CUX1: variants seen among roughly 807,000 people sequenced by gnomAD.
CUX1 encodes the protein protein CASP.
A neutral mutation model predicts 158.8 loss-of-function variants in CUX1; 31 were observed. The observed-to-expected ratio is 0.20, with a 90% CI of 0.15 to 0.26. The LOEUF is 0.26. Ranked by LOEUF, CUX1 falls within the 10% of genes least tolerant of loss-of-function variation. The probability of loss-of-function intolerance (pLI) is 1.00; values close to 1 mark genes in which losing one functional copy is unlikely to be tolerated. For synonymous variants in CUX1, 879 were observed against 862.1 expected (o/e 1.02, Z -0.34); for missense variants, 1,589 against 2,014.6 (o/e 0.79, Z 4.04).
intron 20 of CUX1, among the ~76,000 whole-genome samples, chr7:102,206,307 G>A (rs1338413662): frequency 6.6e-6 from 1 of 152,156 alleles, no homozygotes; most frequent in Non-Finnish European, 1.5e-5. Context: ...GGTCTTCTTG[G>A]CTGGACATCT....
chr7:102,190,495 C>T (rs1554516699), intron 12 of CUX1, among the ~76,000 whole-genome samples: 2 of 152,184 alleles, frequency 1.3e-5, no homozygotes, highest in African/African-American at 4.8e-5. Context: ...CCATAATGCT[C>T]CAGGCTCACT....
At chr7:101,840,460 C>G (rs1040505342) in intron 1 of CUX1, among the ~76,000 whole-genome samples, 1 of 152,180 alleles carries the variant, frequency 6.6e-6, no homozygotes. Context: ...TATCCTCTTG[C>G]AAATACTTTT....
intron 11 of CUX1, among the ~76,000 whole-genome samples, chr7:102,180,577 C>T (rs537650980): frequency 2.6e-5 from 4 of 151,386 alleles, no homozygotes; most frequent in Non-Finnish European, 5.9e-5. Context: ...TCTCCCACCT[C>T]GGCTCCCAAA....
intron 15 of CUX1, among the ~76,000 whole-genome samples, chr7:102,198,587 T>C (rs189702893): frequency 2.0e-5 from 3 of 152,148 alleles, no homozygotes; most frequent in African/African-American, 7.2e-5. Flanking sequence ...TACTTAGATT[T>C]CCCCCATCTC....
At chr7:102,262,525 G>A (rs1455482732), downstream of CUX1, among the ~76,000 whole-genome samples, 1 of 152,228 alleles carries the variant, frequency 6.6e-6, no homozygotes, top group Non-Finnish European at 1.5e-5. Context: ...ATCCAAGTGA[G>A]GCCTATGCAG....
chr7:102,265,466 C>G (rs782036764), intron 14 of CUX1, among the ~76,000 whole-genome samples: 3 of 151,970 alleles, frequency 2.0e-5, no homozygotes, highest in Non-Finnish European at 4.4e-5. Context: ...GAGACAGGGT[C>G]TCACTCTGTT....
At chr7:101,877,291 A>G (rs1341767401) in intron 1 of CUX1, among the ~76,000 whole-genome samples, 2 of 152,226 alleles carry the variant, frequency 1.3e-5, no homozygotes, top group Non-Finnish European at 2.9e-5. Flanking sequence ...ATCCTTCCAG[A>G]GTTTCATTAT....
intron 2 of CUX1, among the ~76,000 whole-genome samples, chr7:101,971,817 T>C (rs1811991524): frequency 6.6e-6 from 1 of 152,208 alleles, no homozygotes; most frequent in Admixed American, 6.6e-5. Context: ...GCAGGTATCT[T>C]ACAGCTTAAT....
chr7:102,157,795 C>G (rs1397093601), intron 8 of CUX1, among the ~76,000 whole-genome samples: 8 of 152,138 alleles, frequency 5.3e-5, no homozygotes, highest in African/African-American at 1.7e-4. Context: ...AACATACAAA[C>G]ATAAAAGCAC....
intron 8 of CUX1, among the ~76,000 whole-genome samples, chr7:102,132,328 C>CACGCACACACGCGCGCACG (rs1379227055): frequency 2.9e-3 from 4 of 1,362 alleles, no homozygotes; most frequent in Non-Finnish European, 0.012. Context: ...CGCGCGCACG[C>CACGCACACACGCGCGCACG]CACGCACACA....
At position 102,092,181 on chromosome 7, in the gene CUX1, G is replaced by A. The variant is rs556571555; in HGVS notation, c.269-5183G>A. 3.9e-5 allele frequency among the ~76,000 whole-genome samples: 6 copies of A among 152,168 alleles called. No homozygotes were observed. In the East Asian group the frequency reaches 1.2e-3, roughly 29 times the overall value. ...TATATCTTCTTTTTCTCTCCTCCTT[G>A]CACTCCTATTTTTCTTAAAATCCTT... is the stretch of plus-strand genomic sequence containing the variant. On this transcript the variant is annotated intron_variant, in intron 4 of 23. Coordinates refer to ENST00000292535, the MANE Select transcript of CUX1 (RefSeq NM_181552.4).
chr7:102,192,723 C>T (rs1406888824), intron 12 of CUX1, among the ~76,000 whole-genome samples: 15 of 152,136 alleles, frequency 9.9e-5, no homozygotes, highest in Non-Finnish European at 1.9e-4. Context: ...GGCGAAGGTC[C>T]GGTTGACTCT....
In CUX1 at chr7:102,148,711, A is replaced by T. The variant is rs187012090; in HGVS notation, c.675-9849A>T. ...ATGTGTTATATATATATAATATATT[A>T]ATATATATATATTATATATTACTCA... On this transcript the variant is annotated intron_variant, in intron 8 of 23. Transcript: ENST00000292535. Among the ~76,000 whole-genome samples, 61 of 148,016 alleles carry T rather than the reference A, an allele frequency of 4.1e-4. 1 individual carries two copies. In the East Asian group the frequency reaches 0.012, roughly 28 times the overall value.
chr7:102,121,196 C>A (rs891436115), intron 8 of CUX1, among the ~76,000 whole-genome samples: 1 of 152,046 alleles, frequency 6.6e-6, no homozygotes, highest in East Asian at 1.9e-4. Context: ...GAGATAGGGT[C>A]TCTGTTAGTT....
intron 23 of CUX1, among the ~76,000 whole-genome samples, chr7:102,244,694 CA>C (rs113468493): frequency 0.013 from 2,009 of 149,578 alleles, 36 homozygotes; most frequent in Non-Finnish European, 0.02. Flanking sequence ...TGTCCCCCAG[CA>C]AAAAAAAACA....
intron 1 of CUX1, among the ~76,000 whole-genome samples, chr7:101,843,435 G>A (rs2131180335): frequency 6.6e-6 from 1 of 152,238 alleles, no homozygotes; most frequent in East Asian, 1.9e-4. Flanking sequence ...AGCTTTTCTT[G>A]TAATGCTTTG....
Position 102,231,265 on chromosome 7 carries a change from C to A in CUX1, c.3434-2787C>A, listed in dbSNP as rs536760735. Among the ~76,000 whole-genome samples, 630 of 152,018 alleles carry A rather than the reference C, an allele frequency of 4.1e-3. 4 individuals are homozygous for A. Among genetic ancestry groups the A allele is most frequent in the South Asian group, 8.3e-3 (40 of 4,808 alleles). ...CAGGATGGTCTCAATCTCCTGACCT[C>A]GTGATCTGCCCGCCTCAACCTCCCA... On this transcript the variant is annotated intron_variant, in intron 21 of 23. Coordinates refer to ENST00000292535, the MANE Select transcript of CUX1 (RefSeq NM_181552.4).
chr7:101,938,838 T>G (rs556547261), intron 2 of CUX1, among the ~76,000 whole-genome samples: 2 of 151,708 alleles, frequency 1.3e-5, no homozygotes, highest in East Asian at 3.9e-4. Context: ...GTCAGGAGTT[T>G]GAGACCAACC....
intron 2 of CUX1, among the ~76,000 whole-genome samples, chr7:101,940,424 G>A (rs1035771998): frequency 2.6e-5 from 4 of 151,968 alleles, no homozygotes; most frequent in East Asian, 1.9e-4. Flanking sequence ...TGGTGCCTGC[G>A]GGCGCGCACA....
Sources: gnomAD v4.1 joint callset for allele counts (sites outside exome capture counted in the v4.1 genomes callset) on GRCh38, gnomAD v4.1.1 for gene constraint, MANE v1.5 for transcripts, NCBI Gene and HGNC (gene_info 2026-07-23, HGNC 2026-07-21) for gene names.